The following FAM171A1 variants were observed in gnomAD, a reference collection of about 807,000 sequenced individuals.
FAM171A1 encodes the protein family with sequence similarity 171 member A1.
In FAM171A1, 23 loss-of-function variants were observed where a neutral mutation model predicts 74.9. That is an observed-to-expected ratio of 0.31 (90% confidence interval 0.22 to 0.44). FAM171A1 has a LOEUF of 0.44. Ranked by LOEUF, FAM171A1 falls within the 20% of genes least tolerant of loss-of-function variation. FAM171A1 has a pLI of 1.00. For missense variants in FAM171A1, 1,162 were observed against 1,159.2 expected, an observed-to-expected ratio of 1.00 and a Z score of -0.03; for synonymous variants, 527 against 505.7, an observed-to-expected ratio of 1.04 and a Z score of -0.57.
chr10:15,269,272 C>A (rs1588523593), intron 3 of FAM171A1, among the ~76,000 whole-genome samples: 1 of 151,800 alleles, frequency 6.6e-6, no homozygotes, highest in South Asian at 2.1e-4. Context: ...CAGTAGCATA[C>A]ACAGATTTTT....
In FAM171A1 at chr10:15,348,081, G is replaced by A. The variant is rs965363012; in HGVS notation, c.97+22875C>T. ...CAATCACCACTTTCTGGGTTCAAGC[G>A]AGTCTCCTGGCTCAGCCTCCCGAGT... is the stretch of plus-strand genomic sequence containing the variant. On this transcript the variant is annotated intron_variant, in intron 1 of 7. Coordinates refer to ENST00000378116, the MANE Select transcript of FAM171A1 (RefSeq NM_001010924.2). Among the ~76,000 whole-genome samples, 7 of 152,064 alleles carry A rather than the reference G, an allele frequency of 4.6e-5. No individual in the cohort carries two copies. In the East Asian group the frequency reaches 1.2e-3, roughly 25 times the overall value.
chr10:15,224,539 T>A (rs1015684338), intron 5 of FAM171A1, among the ~76,000 whole-genome samples: 4 of 152,082 alleles, frequency 2.6e-5, no homozygotes, highest in African/African-American at 9.7e-5. Flanking sequence ...CTCCCACAAT[T>A]CCTGTGTGTT....
chr10:15,271,863 T>C (rs1363293673), intron 3 of FAM171A1, among the ~76,000 whole-genome samples: 1 of 152,082 alleles, frequency 6.6e-6, no homozygotes, highest in South Asian at 2.1e-4. Flanking sequence ...CAGGCCTGCC[T>C]TACAAGAGCT....
chr10:15,294,546 C>T lies in FAM171A1; in HGVS notation c.98-10441G>A, dbSNP rs1412221947. Among the ~76,000 whole-genome samples the T allele has an allele frequency of 2.0e-5, 3 of 152,230 alleles. No individual in the cohort carries two copies. In the East Asian group the frequency reaches 5.8e-4, roughly 29 times the overall value. Reference sequence around the variant, plus strand: ...GCGCTCAGGAATTCTTCCCCTACCACGATTCAGAGCTCCTCTGCTCTTGGC... The same window carrying T: ...GCGCTCAGGAATTCTTCCCCTACCATGATTCAGAGCTCCTCTGCTCTTGGC... On this transcript the variant is annotated intron_variant, in intron 1 of 7. Transcript: ENST00000378116.
intron 1 of FAM171A1, among the ~76,000 whole-genome samples, chr10:15,299,132 T>C (rs1835197045): frequency 6.6e-6 from 1 of 152,146 alleles, no homozygotes. Flanking sequence ...TTGGCCAGGC[T>C]GGTCTCAAAC....
At chr10:15,372,100 G>T (rs1588577440), upstream of FAM171A1, among the ~76,000 whole-genome samples, 2 of 152,262 alleles carry the variant, frequency 1.3e-5, no homozygotes, top group Middle Eastern at 6.8e-3. Flanking sequence ...CAGGGTGGAG[G>T]GTTCTTGGTA....
intron 5 of FAM171A1, among the ~76,000 whole-genome samples, chr10:15,245,746 C>T (rs549409122): frequency 4.6e-5 from 7 of 152,326 alleles, no homozygotes; most frequent in African/African-American, 7.2e-5. Flanking sequence ...GACCTGGGTG[C>T]GCTTCAGCGC....
chr10:15,309,996 A>C (rs1835341565), intron 1 of FAM171A1, among the ~76,000 whole-genome samples: 3 of 152,214 alleles, frequency 2.0e-5, no homozygotes, highest in Non-Finnish European at 4.4e-5. Flanking sequence ...TTGAGCAACA[A>C]ATACAAGTTG....
At chr10:15,342,424 G>C (rs7083807) in intron 1 of FAM171A1, among the ~76,000 whole-genome samples, 68,918 of 152,084 alleles carry the variant, frequency 0.45, 15,735 homozygotes, top group Non-Finnish European at 0.49. Flanking sequence ...AAAAAAATTA[G>C]CTGGGTGTGG....
chr10:15,372,920 C>T (rs954013936), upstream of FAM171A1, among the ~76,000 whole-genome samples: 5 of 152,032 alleles, frequency 3.3e-5, no homozygotes, highest in African/African-American at 7.2e-5. Context: ...GGTGACCTTC[C>T]GACTTCCACT....
At chr10:15,229,440 C>T (rs1398345427) in intron 5 of FAM171A1, among the ~76,000 whole-genome samples, 1 of 150,736 alleles carries the variant, frequency 6.6e-6, no homozygotes, top group Non-Finnish European at 1.5e-5. Context: ...CCATCATCAC[C>T]ATCGTCACCA....
intron 5 of FAM171A1, among the ~76,000 whole-genome samples, chr10:15,244,940 T>C (rs1447630044): frequency 1.3e-5 from 2 of 152,242 alleles, no homozygotes; most frequent in Non-Finnish European, 2.9e-5. Flanking sequence ...ACTAATTTTG[T>C]CTGACAACAT....
chr10:15,225,449 C>T (rs1834092844), intron 5 of FAM171A1, among the ~76,000 whole-genome samples: 1 of 152,206 alleles, frequency 6.6e-6, no homozygotes, highest in Admixed American at 6.5e-5. Flanking sequence ...CATGCTGTTA[C>T]TGGCAAAAGC....
At chr10:15,327,979 C>T (rs540673766) in intron 1 of FAM171A1, among the ~76,000 whole-genome samples, 11 of 151,070 alleles carry the variant, frequency 7.3e-5, no homozygotes, top group East Asian at 5.8e-4. Flanking sequence ...TTAGTAATCT[C>T]GGTCTAAAAC....
At chr10:15,347,045 T>C (rs759686742) in intron 1 of FAM171A1, among the ~76,000 whole-genome samples, 1 of 152,178 alleles carries the variant, frequency 6.6e-6, no homozygotes, top group Admixed American at 6.5e-5. Context: ...CAGGAAGACC[T>C]AGACATTTGT....
chr10:15,366,205 T>C (rs2131894206), intron 1 of FAM171A1, among the ~76,000 whole-genome samples: 1 of 152,312 alleles, frequency 6.6e-6, no homozygotes, highest in South Asian at 2.1e-4. Context: ...CTACAACCTC[T>C]GCCTCCCGAG....
chr10:15,310,811 C>T (rs996576881), intron 1 of FAM171A1, among the ~76,000 whole-genome samples: 5 of 151,426 alleles, frequency 3.3e-5, no homozygotes, highest in African/African-American at 1.2e-4. Flanking sequence ...CAGTGCATGA[C>T]AGAGCGAGAC....
intron 1 of FAM171A1, 42 bp downstream of exon 1, chr10:15,370,914 C>G: frequency 2.1e-6 from 2 of 970,440 alleles, no homozygotes; most frequent in African/African-American, 1.8e-5. Flanking sequence ...GCGCCAGGCC[C>G]GGCGCGACAC....
chr10:15,226,108 G>T (rs1834103078), intron 5 of FAM171A1, among the ~76,000 whole-genome samples: 3 of 152,182 alleles, frequency 2.0e-5, no homozygotes, highest in Non-Finnish European at 4.4e-5. Flanking sequence ...TCAAGGCAAG[G>T]TCATGTGGTG....
Sources: gnomAD v4.1 joint callset for allele counts (sites outside exome capture counted in the v4.1 genomes callset) on GRCh38, gnomAD v4.1.1 for gene constraint, MANE v1.5 for transcripts, NCBI Gene and HGNC (gene_info 2026-07-23, HGNC 2026-07-21) for gene names.